The following CDH23 variants were observed in gnomAD, a reference collection of about 807,000 sequenced individuals.
CDH23 encodes the protein cadherin-23.
A neutral mutation model predicts 317.1 loss-of-function variants in CDH23; 189 were observed. The ratio of observed to expected loss-of-function variants is 0.60; its 90% CI spans 0.53 to 0.67. The LOEUF is 0.67. CDH23 is among the 30% of genes least tolerant of loss of function. The pLI is 0.00. For missense variants in CDH23, 4,401 were observed against 4,592.4 expected (o/e 0.96, Z 1.20); for synonymous variants, 1,839 against 1,876.8 (o/e 0.98, Z 0.52).
intron 3 of CDH23, among the ~76,000 whole-genome samples, chr10:71,498,706 T>A (rs1853108459): frequency 6.6e-6 from 1 of 152,218 alleles, no homozygotes; most frequent in African/African-American, 2.4e-5. Context: ...TAACTTGACC[T>A]CTCTGTGATG....
intron 11 of CDH23, among the ~76,000 whole-genome samples, chr10:71,619,286 G>T (rs1040716195): frequency 1.0e-4 from 15 of 150,392 alleles, no homozygotes; most frequent in African/African-American, 3.7e-4. Context: ...AGTGAGCAGA[G>T]ATTGCACCAC....
At chr10:71,506,822 A>G (rs1428836090) in intron 3 of CDH23, among the ~76,000 whole-genome samples, 1 of 152,206 alleles carries the variant, frequency 6.6e-6, no homozygotes, top group Non-Finnish European at 1.5e-5. Context: ...ATTACCTGGG[A>G]CACAAAGAAG....
intron 1 of CDH23, among the ~76,000 whole-genome samples, chr10:71,431,075 T>C (rs1849347506): frequency 6.6e-6 from 1 of 152,224 alleles, no homozygotes; most frequent in Non-Finnish European, 1.5e-5. Flanking sequence ...GCGTTGCCTC[T>C]GGGAAGGAGT....
intron 2 of CDH23, among the ~76,000 whole-genome samples, chr10:71,441,937 G>C (rs994286889): frequency 6.6e-6 from 1 of 152,182 alleles, no homozygotes; most frequent in Non-Finnish European, 1.5e-5. Flanking sequence ...CCTTGGGCGA[G>C]TGTCTTAACC....
rs748317907 is a variant in CDH23 at position 71,798,385 on chromosome 10, T to C, written c.6861T>C (p.Asn2287=). Residue 2287 remains asparagine, a synonymous_variant, in exon 50 of 70, where the codon AAT becomes AAC. Coordinates refer to ENST00000224721, the MANE Select transcript of CDH23 (RefSeq NM_022124.6). ...TGACTGTCAACGTCCTGGACGTCAA[T>C]GACAATACGCCCCAGTTCAAGCCCT... ...AKLTVNVLDV[N]DNTPQFKPFG... 6.2e-7 allele frequency: 1 copy of C among 1,613,950 alleles called. No individual in the cohort carries two copies. The highest frequency in any genetic ancestry group is 1.1e-5 in the South Asian group (1 of 91,082).
At chr10:71,548,694 G>A (rs548957867) in intron 6 of CDH23, among the ~76,000 whole-genome samples, 1 of 152,218 alleles carries the variant, frequency 6.6e-6, no homozygotes, top group South Asian at 2.1e-4. Flanking sequence ...CTTAGTGGTT[G>A]TCATTTTATC....
chr10:71,643,040 T>C (rs1862637459), intron 11 of CDH23, among the ~76,000 whole-genome samples: 1 of 152,180 alleles, frequency 6.6e-6, no homozygotes, highest in Non-Finnish European at 1.5e-5. Flanking sequence ...TACAAAGTGT[T>C]TAGAATAGTG....
intron 9 of CDH23, among the ~76,000 whole-genome samples, chr10:71,611,144 G>C (rs1860863373): frequency 6.7e-6 from 1 of 149,858 alleles, no homozygotes; most frequent in South Asian, 2.1e-4. Flanking sequence ...TCAGTTTCCA[G>C]GAGAGCAGAG....
chr10:71,550,771 G>A (rs931230943), intron 6 of CDH23, among the ~76,000 whole-genome samples: 3 of 152,092 alleles, frequency 2.0e-5, no homozygotes, highest in African/African-American at 7.2e-5. Flanking sequence ...TGGATTTGCA[G>A]GTGTGGGGGC....
chr10:71,635,222 A>G (rs1862206680), intron 11 of CDH23: 1 of 152,716 alleles, frequency 6.5e-6, no homozygotes, highest in African/African-American at 2.4e-5. Context: ...AACGCACATT[A>G]TAATTCTTTT....
intron 32 of CDH23, among the ~76,000 whole-genome samples, chr10:71,733,720 T>C (rs1408263286): frequency 1.3e-5 from 2 of 152,274 alleles, no homozygotes; most frequent in African/African-American, 4.8e-5. Flanking sequence ...TCTTAGCTAG[T>C]TGTCTGGTAC....
chr10:71,731,952 A>G, intron 31 of CDH23, 35 bp from the exon 32 acceptor site: 1 of 1,599,792 alleles, frequency 6.3e-7, no homozygotes, highest in South Asian at 1.1e-5. Context: ...ACTCAGTTCT[A>G]TCTGGGACTG....
intron 6 of CDH23, among the ~76,000 whole-genome samples, chr10:71,562,350 A>G (rs190251067): frequency 3.5e-4 from 54 of 152,342 alleles, no homozygotes; most frequent in African/African-American, 1.2e-3. Context: ...GCACGTTAAT[A>G]GGAGTGTCTG....
intron 60 of CDH23, 102 bp downstream of exon 60, chr10:71,808,109 T>C (rs1489861250): frequency 2.1e-6 from 3 of 1,406,730 alleles, no homozygotes; most frequent in Non-Finnish European, 2.9e-6. Context: ...CACCACAGGA[T>C]ATGGGTGGCC....
intron 19 of CDH23, among the ~76,000 whole-genome samples, chr10:71,689,827 C>T (rs906460862): frequency 1.3e-5 from 2 of 152,182 alleles, no homozygotes; most frequent in African/African-American, 4.8e-5. Context: ...AACCTGTGCA[C>T]CGGACCTCCT....
At chr10:71,698,245 T>A (rs1044513080) in intron 22 of CDH23, among the ~76,000 whole-genome samples, 1 of 152,220 alleles carries the variant, frequency 6.6e-6, no homozygotes, top group Non-Finnish European at 1.5e-5. Flanking sequence ...AAAAGGAAGT[T>A]ATAAAAATTA....
chr10:71,804,055 G>A (rs1177597023), intron 55 of CDH23, among the ~76,000 whole-genome samples: 1 of 146,704 alleles, frequency 6.8e-6, no homozygotes, highest in Non-Finnish European at 1.5e-5. Context: ...CTTTGAGCAA[G>A]TGACTTCTGT....
intron 3 of CDH23, among the ~76,000 whole-genome samples, chr10:71,485,438 C>T (rs1260912841): frequency 1.3e-5 from 2 of 152,226 alleles, no homozygotes; most frequent in African/African-American, 2.4e-5. Context: ...CTTTGGCCAT[C>T]CGTCCTGCAT....
At chr10:71,721,422 C>T (rs566610026) in intron 28 of CDH23, among the ~76,000 whole-genome samples, 81 of 152,288 alleles carry the variant, frequency 5.3e-4, no homozygotes, top group African/African-American at 1.8e-3. Context: ...CCAGCCAAGA[C>T]GCTTTGCAAG....
Sources: gnomAD v4.1 joint callset for allele counts (sites outside exome capture counted in the v4.1 genomes callset) on GRCh38, gnomAD v4.1.1 for gene constraint, MANE v1.5 for transcripts, NCBI Gene and HGNC (gene_info 2026-07-23, HGNC 2026-07-21) for gene names.